The following CALHM5 variants were observed in gnomAD, a reference collection of about 807,000 sequenced individuals.
CALHM5 encodes the protein calcium homeostasis modulator protein 5.
Under a neutral mutation model 20.9 loss-of-function variants are expected in CALHM5, and 17 were observed. The ratio of observed to expected loss-of-function variants is 0.82; its 90% confidence interval spans 0.56 to 1.22. The LOEUF is 1.22. CALHM5 is among the 50% of genes most tolerant of loss of function. The pLI is 0.00. For synonymous variants in CALHM5, 148 were observed against 140.0 expected, an observed-to-expected ratio of 1.06 and a Z score of -0.40; for missense variants, 360 against 364.6, an observed-to-expected ratio of 0.99 and a Z score of 0.10.
chr6:116,512,362 G>A, intron 1 of CALHM5, 126 bp downstream of exon 1: 3 of 1,092,062 alleles, frequency 2.7e-6, no homozygotes, highest in Non-Finnish European at 3.9e-6. Flanking sequence ...ACTGAAACAT[G>A]ATGCAGCATT....
Position 116,515,710 on chromosome 6 carries a change from A to T in CALHM5, c.651A>T (p.Thr217=). 1 of 1,614,038 alleles carries T rather than the reference A, an allele frequency of 6.2e-7. No homozygotes were observed. The highest frequency in any genetic ancestry group is 8.5e-7 in the Non-Finnish European group (1 of 1,179,944). Residue 217 remains threonine (T), a synonymous_variant, in exon 2 of 2, where the codon ACA becomes ACT. Coordinates refer to ENST00000368599, the MANE Select transcript of CALHM5 (RefSeq NM_153711.5). ...VSYLQLSFWK[T]YAQKEKEQLE... is the part of the protein sequence containing the mutation. ...ACCTTCAGCTGAGTTTTTGGAAGAC[A>T]TATGCACAAAAGGAGAAGGAGCAGT...
chr6:116,515,456 G>A (rs1772203433), intron 1 of CALHM5, 144 bp from the exon 2 acceptor site: 2 of 926,128 alleles, frequency 2.2e-6, no homozygotes, highest in Non-Finnish European at 3.2e-6. Context: ...TGAGTTTAAA[G>A]TGTTTAAAAA....
In CALHM5 at chr6:116,524,350, G is replaced by A. The variant is rs552968928; in HGVS notation, c.*8361G>A. 15 of 152,272 alleles carry A rather than the reference G, an allele frequency of 9.9e-5. No homozygotes were observed. The highest frequency in any genetic ancestry group is 1.9e-4 in the Non-Finnish European group (13 of 68,018). 9.4% of individuals were successfully genotyped at this position (152,272 alleles called of 1,614,324 possible). A position where few individuals can be genotyped will look rare whatever the true frequency, so the allele number is the denominator to read the frequency against. On this transcript the variant is annotated 3_prime_UTR_variant, in exon 2 of 2. Coordinates refer to ENST00000368599, the MANE Select transcript of CALHM5 (RefSeq NM_153711.5). ...ATGACATGGTCACCTCAGTTATTTT[G>A]CTGAAGTTTTGTCAATCACCCCCTG...
chr6:116,518,931 C>T lies in CALHM5; in HGVS notation c.*2942C>T, dbSNP rs1031463765. 2.0e-5 allele frequency: 3 copies of T among 152,208 alleles called. 1 individual carries two copies. In the South Asian group the frequency reaches 6.2e-4, roughly 32 times the overall value. The allele number at this position is 152,208 out of a possible 1,614,324, so 9.4% of individuals were successfully genotyped here. ...TCTGGAAGAAGCCACTTAACAGGTT[C>T]TCATCCTGACTCCTAAATTCCTTAA... is the stretch of plus-strand genomic sequence containing the variant. On this transcript the variant is annotated 3_prime_UTR_variant, in exon 2 of 2. Coordinates refer to ENST00000368599, the MANE Select transcript of CALHM5 (RefSeq NM_153711.5).
In CALHM5 at chr6:116,515,509, T is replaced by C. The variant is rs1323002151; in HGVS notation, c.541-91T>C. The stretch of plus-strand genomic sequence containing the variant: ...AAATGAGGTATGTCAAAGACTGTGG[T>C]AATAATTTAGCTATACACTTCTCAA... On this transcript the variant is annotated intron_variant, in intron 1 of 1. Coordinates refer to ENST00000368599, the MANE Select transcript of CALHM5 (RefSeq NM_153711.5). 17 of 1,312,278 alleles carry C rather than the reference T, an allele frequency of 1.3e-5. No individual in the cohort carries two copies. The African/African-American group carries it at 2.5e-4, about 19-fold the overall frequency. 81.3% of individuals were successfully genotyped at this position (1,312,278 alleles called of 1,614,324 possible).
At chr6:116,514,938 A>T (rs1033574836) in intron 1 of CALHM5, among the ~76,000 whole-genome samples, 1 of 152,264 alleles carries the variant, frequency 6.6e-6, no homozygotes, top group Admixed American at 6.5e-5. Flanking sequence ...AAGATAATTT[A>T]AGCTATTTAA....
rs775040957 is a variant in CALHM5, at chr6:116,511,980, G to A, written c.284G>A (p.Arg95His). ...ATCTTTCCCAGAGGCCACAGCTGCCGTTTCTTCTACGTCCTCGGCCAGATC... is the reference window on the plus strand; with the variant it reads ...ATCTTTCCCAGAGGCCACAGCTGCCATTTCTTCTACGTCCTCGGCCAGATC... The part of the protein sequence containing the change: ...RKIFPRGHSC[R>H]FFYVLGQITL... The change falls in exon 1 of 2, where the codon CGT (arginine) becomes CAT (histidine). Residue 95 changes from arginine to histidine, a missense_variant. By Grantham distance (29) the Arg-to-His change is conservative (BLOSUM62 0). Coordinates refer to ENST00000368599, the MANE Select transcript of CALHM5 (RefSeq NM_153711.5). 1.9e-6 allele frequency: 3 copies of A among 1,613,898 alleles called. No homozygotes were observed. The highest frequency in any genetic ancestry group is 2.2e-5 in the South Asian group (2 of 91,088).
At position 116,516,827 on chromosome 6, in the gene CALHM5, T is replaced by A. The variant is rs1268898001; in HGVS notation, c.*838T>A. The A allele has an allele frequency of 6.6e-6, 1 of 152,010 alleles. No individual in the cohort carries two copies. The highest frequency in any genetic ancestry group is 2.4e-5 in the African/African-American group (1 of 41,440). 9.4% of individuals were successfully genotyped at this position (152,010 alleles called of 1,614,324 possible). ...GATTTTAAAAGAAATTAAAAACATT[T>A]TAGTGGGCCCTTACAAGTATTATGG... On this transcript the variant is annotated 3_prime_UTR_variant, in exon 2 of 2. Transcript: ENST00000368599.
rs928045391 is a variant in CALHM5 at position 116,516,770 on chromosome 6, T to C, written c.*781T>C. The C allele has an allele frequency of 6.7e-6, 1 of 150,330 alleles. No homozygotes were observed. Among genetic ancestry groups the C allele is most frequent in the Non-Finnish European group, 1.5e-5 (1 of 67,732 alleles). 9.3% of individuals were successfully genotyped at this position (150,330 alleles called of 1,614,324 possible). On this transcript the variant is annotated 3_prime_UTR_variant, in exon 2 of 2. Coordinates refer to ENST00000368599, the MANE Select transcript of CALHM5 (RefSeq NM_153711.5). ...ATAAAAGGTGAATATATTAGCATTTTCTTCAACCTAAAAGTTTATGTATTT... is the reference window on the plus strand; with the variant it reads ...ATAAAAGGTGAATATATTAGCATTTCCTTCAACCTAAAAGTTTATGTATTT...
At chr6:116,515,465 A>T in intron 1 of CALHM5, 135 bp from the exon 2 acceptor site, 1 of 1,001,616 alleles carries the variant, frequency 1.0e-6, no homozygotes, top group East Asian at 2.5e-5. Context: ...AGTGTTTAAA[A>T]ATTAAGATGA....
In CALHM5 at chr6:116,515,918, A is replaced by G. The variant is rs375787286; in HGVS notation, c.859A>G (p.Asn287Asp). 14 of 1,613,580 alleles carry G rather than the reference A, an allele frequency of 8.7e-6. No homozygotes were observed. The highest frequency in any genetic ancestry group is 2.7e-5 in the African/African-American group (2 of 74,862). ...HYSTLHRVVDNGLQLSPEDDE... is the reference protein window; with the variant it reads ...HYSTLHRVVDDGLQLSPEDDE... ...TAGCACCCTCCACAGAGTGGTGGACAATGGTCTGCAACTTAGCCCTGAGGA... is the reference window on the plus strand; with the variant it reads ...TAGCACCCTCCACAGAGTGGTGGACGATGGTCTGCAACTTAGCCCTGAGGA... Residue 287 changes from asparagine (N) to aspartate (D), a missense_variant, in exon 2 of 2, where the codon AAT becomes GAT. Coordinates refer to ENST00000368599, the MANE Select transcript of CALHM5 (RefSeq NM_153711.5).
chr6:116,514,270 T>A (rs1473901799), intron 1 of CALHM5, among the ~76,000 whole-genome samples: 1 of 152,208 alleles, frequency 6.6e-6, no homozygotes, highest in Admixed American at 6.5e-5. Flanking sequence ...GGTACTGAGA[T>A]GAGATGGCGT....
chr6:116,515,502 A>G, intron 1 of CALHM5, 98 bp from the exon 2 acceptor site: 2 of 1,257,198 alleles, frequency 1.6e-6, no homozygotes. Flanking sequence ...TATGTCAAAG[A>G]CTGTGGTAAT....
chr6:116,516,182 G>T lies in CALHM5; in HGVS notation c.*193G>T. The T allele has an allele frequency of 1.6e-6, 1 of 619,094 alleles. No individual in the cohort carries two copies. Among genetic ancestry groups the T allele is most frequent in the Non-Finnish European group, 2.5e-6 (1 of 404,806 alleles). 38.4% of individuals were successfully genotyped at this position (619,094 alleles called of 1,614,324 possible). On this transcript the variant is annotated 3_prime_UTR_variant, in exon 2 of 2. Coordinates refer to ENST00000368599, the MANE Select transcript of CALHM5 (RefSeq NM_153711.5). ...GATGTGCTCAAATTGATGCTGAGGG[G>T]TGACAAAGGTGCTCTTGCATTGGTG...
intron 1 of CALHM5, 88 bp downstream of exon 1, chr6:116,512,324 T>C: frequency 7.3e-7 from 1 of 1,378,210 alleles, no homozygotes; most frequent in Non-Finnish European, 9.8e-7. Context: ...GTCTGTGTCC[T>C]GTCAGAATAT....
chr6:116,513,620 G>C (rs1280485318), intron 1 of CALHM5, among the ~76,000 whole-genome samples: 1 of 152,180 alleles, frequency 6.6e-6, no homozygotes, highest in Non-Finnish European at 1.5e-5. Flanking sequence ...GCTGATTCCT[G>C]TGGGAAGATG....
Position 116,519,356 on chromosome 6 carries a change from A to T in CALHM5, c.*3367A>T, listed in dbSNP as rs2640870. On this transcript the variant is annotated 3_prime_UTR_variant, in exon 2 of 2. Coordinates refer to ENST00000368599, the MANE Select transcript of CALHM5 (RefSeq NM_153711.5). Reference sequence around the variant, plus strand: ...CTATGGGGGGGCTCTGGAATGTCAGATTTCTCCTGATCCCAAGTGTGCTCT... The same window carrying T: ...CTATGGGGGGGCTCTGGAATGTCAGTTTTCTCCTGATCCCAAGTGTGCTCT... The T allele has an allele frequency of 0.037, 5,569 of 152,240 alleles. 130 individuals are homozygous for T. The highest frequency in any genetic ancestry group is 0.095 in the Middle Eastern group (28 of 294). The allele number at this position is 152,240 out of a possible 1,614,324, so 9.4% of individuals were successfully genotyped here. A position where few individuals can be genotyped will look rare whatever the true frequency, so the allele number is the denominator to read the frequency against.
intron 1 of CALHM5, among the ~76,000 whole-genome samples, chr6:116,514,051 G>C (rs1675448757): frequency 6.6e-6 from 1 of 152,172 alleles, no homozygotes; most frequent in Non-Finnish European, 1.5e-5. Context: ...TTTGTTCCAA[G>C]TCAATGAGGA....
chr6:116,512,271 A>G (rs1379452183), intron 1 of CALHM5, 35 bp downstream of exon 1: 3 of 1,560,152 alleles, frequency 1.9e-6, no homozygotes, highest in Non-Finnish European at 2.6e-6. Flanking sequence ...TTCTCTCAGC[A>G]TGAGCTCGAA....
Sources: allele counts gnomAD v4.1 joint callset (sites outside exome capture counted in the v4.1 genomes callset), GRCh38; gene constraint gnomAD v4.1.1; transcripts MANE v1.5; gene names NCBI Gene and HGNC (gene_info 2026-07-23, HGNC 2026-07-21).